HEATR1: variants seen among roughly 807,000 people sequenced by gnomAD.
The protein encoded by HEATR1 is HEAT repeat-containing protein 1.
A neutral mutation model predicts 248.2 loss-of-function variants in HEATR1; 77 were observed. The observed-to-expected ratio is 0.31, with a 90% CI of 0.26 to 0.37. HEATR1 has a LOEUF of 0.37. Ranked by LOEUF, HEATR1 falls within the 10% of genes least tolerant of loss-of-function variation. HEATR1 has a pLI of 1.00. For synonymous variants in HEATR1, 897 were observed against 923.1 expected, an observed-to-expected ratio of 0.97 and a Z score of 0.51; for missense variants, 2,420 against 2,504.9, an observed-to-expected ratio of 0.97 and a Z score of 0.72.
intron 23 of HEATR1, 87 bp downstream of exon 23, chr1:236,574,574 C>G: frequency 9.1e-7 from 1 of 1,096,462 alleles, no homozygotes; most frequent in Admixed American, 2.7e-5. Flanking sequence ...AAATATTAAT[C>G]TTTTTTTTTT....
chr1:236,585,796 G>T, intron 16 of HEATR1, 24 bp downstream of exon 16: 1 of 1,606,814 alleles, frequency 6.2e-7, no homozygotes, highest in Non-Finnish European at 8.5e-7. Context: ...AAATCCAGGG[G>T]GTGGACTTTC....
At chr1:236,563,673 C>T (rs765238947) in intron 32 of HEATR1, among the ~76,000 whole-genome samples, 4 of 152,134 alleles carry the variant, frequency 2.6e-5, no homozygotes, top group Non-Finnish European at 5.9e-5. Flanking sequence ...ATTATAGGAC[C>T]TAATGGACTT....
At chr1:236,587,542 T>C (rs768289596) in intron 13 of HEATR1, 52 bp from the exon 14 acceptor site, 1 of 791,178 alleles carries the variant, frequency 1.3e-6, no homozygotes. Flanking sequence ...CAAACATGTA[T>C]GGCGCTTTTT....
rs1361942308 is a variant in HEATR1, at chr1:236,569,129, A to G, written c.3949-5T>C. 12 of 1,564,982 alleles carry G rather than the reference A, an allele frequency of 7.7e-6. No individual in the cohort carries two copies. The Admixed American group carries it at 2.6e-4, about 33-fold the overall frequency. ...GATATTGTGTAAAACTTTATCCTGA[A>G]AGAAAACACAACTATCAACATTTTT... is the stretch of plus-strand genomic sequence containing the variant. On this transcript the variant is annotated splice_region_variant and splice_polypyrimidine_tract_variant and intron_variant, in intron 28 of 44. Transcript: ENST00000366582.
chr1:236,584,991 A>G (rs1663845110), intron 17 of HEATR1, 34 bp downstream of exon 17: 9 of 1,575,818 alleles, frequency 5.7e-6, no homozygotes, highest in African/African-American at 1.4e-5. Context: ...GTTTTATTCA[A>G]CATCCCACTT....
chr1:236,595,297 G>A (rs1320010882), intron 8 of HEATR1, among the ~76,000 whole-genome samples: 2 of 151,976 alleles, frequency 1.3e-5, no homozygotes, highest in South Asian at 2.1e-4. Context: ...GACTATTTAA[G>A]TATTTAAGAA....
Position 236,582,785 on chromosome 1 carries a change from T to C in HEATR1, c.2513A>G (p.Asn838Ser), listed in dbSNP as rs374427656. The C allele has an allele frequency of 1.7e-5, 28 of 1,614,066 alleles. No homozygotes were observed. Among genetic ancestry groups the C allele is most frequent in the Admixed American group, 1.5e-4 (9 of 60,008 alleles). Residue 838 changes from asparagine to serine, a missense_variant, in exon 19 of 45, where the codon AAT becomes AGT. By Grantham distance (46) the Asn-to-Ser change is conservative (BLOSUM62 1). Coordinates refer to ENST00000366582, the MANE Select transcript of HEATR1 (RefSeq NM_018072.6). ...LLIGLFEMML[N>S]GADAVHFRVL... ...TCTGAAATGAACAGCATCGGCACCATTGAGCATCATCTCAAACAGCCCAAT... is the reference window on the plus strand; with the variant it reads ...TCTGAAATGAACAGCATCGGCACCACTGAGCATCATCTCAAACAGCCCAAT...
chr1:236,575,438 C>G (rs1481613602), intron 22 of HEATR1, among the ~76,000 whole-genome samples: 2 of 152,170 alleles, frequency 1.3e-5, no homozygotes, highest in Non-Finnish European at 2.9e-5. Context: ...TTTCCTGATA[C>G]AACTGCAGAG....
intron 23 of HEATR1, 101 bp from the exon 24 acceptor site, chr1:236,574,434 A>C: frequency 7.1e-7 from 1 of 1,406,890 alleles, no homozygotes; most frequent in Non-Finnish European, 9.7e-7. Context: ...ATTGTTTCCC[A>C]CTTAATTTTG....
intron 28 of HEATR1, among the ~76,000 whole-genome samples, chr1:236,570,634 G>A (rs1034126041): frequency 2.0e-5 from 3 of 151,976 alleles, no homozygotes; most frequent in Non-Finnish European, 4.4e-5. Flanking sequence ...ACTTTAAATG[G>A]GTGAATTTTA....
intron 40 of HEATR1, 36 bp downstream of exon 40, chr1:236,555,515 T>G (rs776079973): frequency 6.2e-7 from 1 of 1,614,042 alleles, no homozygotes; most frequent in Non-Finnish European, 8.5e-7. Flanking sequence ...CACTTAAATC[T>G]GAGCACAAAA....
intron 3 of HEATR1, 70 bp from the exon 4 acceptor site, chr1:236,599,694 C>A: frequency 7.3e-7 from 1 of 1,363,198 alleles, no homozygotes. Flanking sequence ...CCTCACATGC[C>A]CAAACTGTAT....
intron 19 of HEATR1, among the ~76,000 whole-genome samples, chr1:236,581,985 G>A (rs1663761850): frequency 1.3e-5 from 2 of 151,324 alleles, no homozygotes; most frequent in Non-Finnish European, 2.9e-5. Context: ...CTACCGATTA[G>A]TATTGTGATT....
At chr1:236,569,901 C>G (rs1263093290) in intron 28 of HEATR1, among the ~76,000 whole-genome samples, 2 of 152,154 alleles carry the variant, frequency 1.3e-5, no homozygotes, top group Non-Finnish European at 2.9e-5. Flanking sequence ...AACCGATGAA[C>G]AGATAAACAA....
chr1:236,551,128 G>T, intron 44 of HEATR1, 138 bp from the exon 45 acceptor site: 1 of 677,360 alleles, frequency 1.5e-6, no homozygotes, highest in Non-Finnish European at 2.4e-6. Flanking sequence ...CATTAACAAA[G>T]CAGGAGGCGC....
chr1:236,583,031 G>C lies in HEATR1; in HGVS notation c.2407C>G (p.Pro803Ala). ...ATCTTACCTTTAGGAAAAGATTTAG[G>C]AGCTTTCAGTGCATAAATAAATTTT... ...LKKFIYALKA[P>A]KSFPKGDIWW... Residue 803 changes from proline to alanine, a missense_variant, in exon 18 of 45, where the codon CCT (proline) becomes GCT (alanine). Coordinates refer to ENST00000366582, the MANE Select transcript of HEATR1 (RefSeq NM_018072.6). 6.2e-7 allele frequency: 1 copy of C among 1,613,992 alleles called. No homozygotes were observed. Among genetic ancestry groups the C allele is most frequent in the Non-Finnish European group, 8.5e-7 (1 of 1,179,988 alleles).
chr1:236,557,110 T>C, intron 37 of HEATR1, 85 bp downstream of exon 37: 4 of 1,423,972 alleles, frequency 2.8e-6, no homozygotes, highest in Non-Finnish European at 3.8e-6. Flanking sequence ...AACTAACCCT[T>C]AAAGAAAAAA....
rs1220051176 is a variant in HEATR1, at chr1:236,585,072, A to T, written c.2194T>A (p.Leu732Met). The part of the protein sequence containing the change: ...HFPFAIRVFS[L>M]LQKKIKKLES... Reference sequence around the variant, plus strand: ...AGCTTCTTTATTTTTTTCTGCAACAAACTGAAGACTCTTATCGCAAATGGA... The same window carrying T: ...AGCTTCTTTATTTTTTTCTGCAACATACTGAAGACTCTTATCGCAAATGGA... The change falls in exon 17 of 45, where the codon TTG (leucine) becomes ATG (methionine). Residue 732 changes from leucine to methionine, a missense_variant. Physicochemically the swap from Leu to Met is conservative, Grantham distance 15 (BLOSUM62 2). Coordinates refer to ENST00000366582, the MANE Select transcript of HEATR1 (RefSeq NM_018072.6). 1 of 1,613,734 alleles carries T rather than the reference A, an allele frequency of 6.2e-7. No individual in the cohort carries two copies. Among genetic ancestry groups the T allele is most frequent in the Admixed American group, 1.7e-5 (1 of 59,958 alleles).
In HEATR1 at chr1:236,567,063, C is replaced by G. The variant is rs2564743; in HGVS notation, c.4078-187G>C. Among the ~76,000 whole-genome samples, 665 of 152,002 alleles carry G rather than the reference C, an allele frequency of 4.4e-3. 11 individuals carry two copies. Among genetic ancestry groups the G allele is most frequent in the African/African-American group, 0.015 (627 of 41,462 alleles). On this transcript the variant is annotated intron_variant, in intron 29 of 44. Transcript: ENST00000366582. ...GTGCAGTGATGTGATCATATCTCACCGCAGCCTGGATCTCCTGAGCTCAAA... is the reference window on the plus strand; with the variant it reads ...GTGCAGTGATGTGATCATATCTCACGGCAGCCTGGATCTCCTGAGCTCAAA...
Sources: gnomAD v4.1 joint callset for allele counts (sites outside exome capture counted in the v4.1 genomes callset) on GRCh38, gnomAD v4.1.1 for gene constraint, MANE v1.5 for transcripts, NCBI Gene and HGNC (gene_info 2026-07-23, HGNC 2026-07-21) for gene names.